The following MGST1 variants were observed in gnomAD, a reference collection of about 807,000 sequenced individuals.
MGST1 encodes glutathione S-transferase 12.
MGST1 carries 5 observed loss-of-function variants against 8.9 expected under a neutral mutation model. The observed-to-expected ratio is 0.56, with a 90% CI of 0.29 to 1.19. The LOEUF is 1.19. Among genes scored for constraint, MGST1 ranks in the 50% most tolerant of loss-of-function variants. MGST1 has a pLI of 0.08. For synonymous variants in MGST1, 54 were observed against 67.8 expected, an observed-to-expected ratio of 0.80 and a Z score of 1.00; for missense variants, 182 against 187.4, an observed-to-expected ratio of 0.97 and a Z score of 0.17.
At chr12:16,573,349 G>A (rs1942884888) in intron 4 of MGST1, among the ~76,000 whole-genome samples, 2 of 152,094 alleles carry the variant, frequency 1.3e-5, no homozygotes, top group Admixed American at 1.3e-4. Flanking sequence ...AAAACATGAG[G>A]TACTGGAATC....
rs920554743 is a variant in MGST1, at chr12:16,389,631, G to A, written n.778+6027G>A. On this transcript the variant is annotated intron_variant and non_coding_transcript_variant, in intron 1 of 1. Transcript: ENST00000359720. This position sits in a 1 kb window ranked among gnomAD's most constrained non-coding sequence, Gnocchi z 4.6. ...GCAATATGACATGAGTACCTCATAG[G>A]AGGGACTACAGAGAAGCAAGGATTC... Among the ~76,000 whole-genome samples the A allele has an allele frequency of 1.3e-5, 2 of 152,192 alleles. No individual in the cohort carries two copies. Among genetic ancestry groups the A allele is most frequent in the African/African-American group, 4.8e-5 (2 of 41,442 alleles).
intron 4 of MGST1, among the ~76,000 whole-genome samples, chr12:16,473,176 A>G (rs1591739358): frequency 6.6e-6 from 1 of 152,134 alleles, no homozygotes; most frequent in South Asian, 2.1e-4. Context: ...AATGGAAGCA[A>G]TTTTTGGCTC....
chr12:16,570,345 T>A (rs527263152), intron 4 of MGST1, among the ~76,000 whole-genome samples: 58 of 152,264 alleles, frequency 3.8e-4, no homozygotes, highest in Middle Eastern at 6.8e-3. Context: ...TTTCTTTCCA[T>A]ACACTATATA....
intron 4 of MGST1, among the ~76,000 whole-genome samples, chr12:16,474,593 T>G (rs555135378): frequency 3.3e-5 from 5 of 152,330 alleles, no homozygotes; most frequent in African/African-American, 1.2e-4. Flanking sequence ...TGCCTTGCTC[T>G]ACTCCCCACT....
At chr12:16,400,986 C>T in intron 1 of MGST1, 1 of 1,487,736 alleles carries the variant, frequency 6.7e-7, no homozygotes, top group Non-Finnish European at 9.4e-7. Flanking sequence ...GCCACTAGTT[C>T]TTTTTGATGT....
At chr12:16,443,147 T>C (rs529430645), downstream of MGST1, among the ~76,000 whole-genome samples, 268 of 151,962 alleles carry the variant, frequency 1.8e-3, no homozygotes, top group Admixed American at 3.4e-3. Context: ...TTCGATGCAA[T>C]TATGTCCAAT....
intron 4 of MGST1, among the ~76,000 whole-genome samples, chr12:16,566,866 G>A (rs940710512): frequency 1.3e-5 from 2 of 152,110 alleles, no homozygotes; most frequent in East Asian, 1.9e-4. Context: ...GGAAAGAGAA[G>A]AAGAATTAAG....
Position 16,364,184 on chromosome 12 carries a change from G to A in MGST1, c.*143G>A, listed in dbSNP as rs1207460377. 10 of 1,351,226 alleles carry A rather than the reference G, an allele frequency of 7.4e-6. No homozygotes were observed. The highest frequency in any genetic ancestry group is 9.5e-6 in the Non-Finnish European group (10 of 1,050,256). 83.7% of individuals were successfully genotyped at this position (1,351,226 alleles called of 1,614,324 possible). On this transcript the variant is annotated 3_prime_UTR_variant, in exon 4 of 4. Coordinates refer to ENST00000396210, the MANE Select transcript of MGST1 (RefSeq NM_020300.5). The surrounding 1 kb of genome is among the most constrained non-coding windows in gnomAD (Gnocchi z 5.7). The stretch of plus-strand genomic sequence containing the variant: ...TAAACCCATTTTGAATATTAGCATT[G>A]CCAATATCCTGTATTCTTGTTTTAC...
At chr12:16,450,368 CA>C (rs1176910484) in intron 4 of MGST1, among the ~76,000 whole-genome samples, 4 of 151,868 alleles carry the variant, frequency 2.6e-5, no homozygotes, top group Non-Finnish European at 5.9e-5. Context: ...AAGAGGAAGA[CA>C]AAGGGCTGCT....
At chr12:16,448,175 C>T (rs1412411246) in intron 4 of MGST1, among the ~76,000 whole-genome samples, 1 of 151,776 alleles carries the variant, frequency 6.6e-6, no homozygotes, top group Admixed American at 6.6e-5. Flanking sequence ...TAAGAAAAGA[C>T]AGAAAGAAGA....
intron 4 of MGST1, among the ~76,000 whole-genome samples, chr12:16,488,858 A>T (rs1369506083): frequency 6.6e-6 from 1 of 152,100 alleles, no homozygotes; most frequent in Non-Finnish European, 1.5e-5. Context: ...CTGCAGTCTG[A>T]GCTGCTCCAA....
downstream of MGST1, among the ~76,000 whole-genome samples, chr12:16,440,019 A>G (rs1941026084): frequency 6.6e-6 from 1 of 151,794 alleles, no homozygotes; most frequent in Non-Finnish European, 1.5e-5. Flanking sequence ...CAACATTAAA[A>G]TGACTCTGGA....
At chr12:16,431,174 G>A (rs1940936922) in intron 1 of MGST1, among the ~76,000 whole-genome samples, 1 of 152,202 alleles carries the variant, frequency 6.6e-6, no homozygotes, top group South Asian at 2.1e-4. Flanking sequence ...TTAGGGCCTT[G>A]CCCTGGATTA....
chr12:16,511,889 C>A (rs996246181), intron 4 of MGST1, among the ~76,000 whole-genome samples: 1 of 152,154 alleles, frequency 6.6e-6, no homozygotes, highest in African/African-American at 2.4e-5. Flanking sequence ...TCACCAATTT[C>A]ATTTCTCTTG....
Position 16,586,129 on chromosome 12 carries a change from AG to A in MGST1, n.483-3396del, listed in dbSNP as rs1943311666. Among the ~76,000 whole-genome samples, 1 of 152,228 alleles carries A rather than the reference AG, an allele frequency of 6.6e-6. No homozygotes were observed. The highest frequency in any genetic ancestry group is 1.5e-5 in the Non-Finnish European group (1 of 68,032). On this transcript the variant is annotated intron_variant and non_coding_transcript_variant, in intron 4 of 4. Transcript: ENST00000538857. The surrounding 1 kb of genome is among the most constrained non-coding windows in gnomAD (Gnocchi z 4.3). The stretch of plus-strand genomic sequence containing the variant: ...CAATAGGGGTCAAGATCAAAGACAC[AG>A]GGAAGGATAAATTAAAAACCATCAC...
chr12:16,366,459 G>A (rs1165512686), downstream of MGST1, among the ~76,000 whole-genome samples: 1 of 152,100 alleles, frequency 6.6e-6, no homozygotes, highest in Non-Finnish European at 1.5e-5. This position sits in a 1 kb window ranked among gnomAD's most constrained non-coding sequence, Gnocchi z 4.0. Flanking sequence ...CTAGAGTGAA[G>A]TCTGTGTGCT....
At chr12:16,542,013 T>C (rs1941796139) in intron 4 of MGST1, among the ~76,000 whole-genome samples, 1 of 152,140 alleles carries the variant, frequency 6.6e-6, no homozygotes, top group South Asian at 2.1e-4. Context: ...CCCCAAATCA[T>C]CAGTGGACCT....
chr12:16,492,241 C>G (rs1404471135), intron 4 of MGST1, among the ~76,000 whole-genome samples: 1 of 151,990 alleles, frequency 6.6e-6, no homozygotes, highest in Non-Finnish European at 1.5e-5. Flanking sequence ...AATCTTGCAC[C>G]TGAAAAATAG....
At chr12:16,378,827 C>T (rs992497125), downstream of MGST1, among the ~76,000 whole-genome samples, 10 of 152,008 alleles carry the variant, frequency 6.6e-5, no homozygotes, top group South Asian at 1.3e-3. Context: ...TTTCATTGAG[C>T]AGTGGTTTGT....
Sources: gnomAD v4.1 joint callset for allele counts (sites outside exome capture counted in the v4.1 genomes callset) on GRCh38, gnomAD v4.1.1 for gene constraint, Gnocchi (gnomAD v3.1) non-coding constraint, MANE v1.5 for transcripts, NCBI Gene and HGNC (gene_info 2026-07-23, HGNC 2026-07-21) for gene names.